Variants in MCC observed in about 807,000 individuals in gnomAD.
MCC encodes the protein MCC regulator of Wnt signaling pathway, also known as colorectal mutant cancer protein.
A neutral mutation model predicts 116.2 loss-of-function variants in MCC; 90 were observed. That is an observed-to-expected ratio of 0.77 (90% confidence interval 0.65 to 0.92). The LOEUF is 0.92. Among genes scored for constraint, MCC ranks in the 40% least tolerant of loss-of-function variants. MCC has a pLI of 0.00. For synonymous variants in MCC, 578 were observed against 510.5 expected (o/e 1.13, Z -1.78); for missense variants, 1,516 against 1,312.2 (o/e 1.16, Z -2.40).
At chr5:113,175,320 G>T (rs1761279148) in intron 3 of MCC, among the ~76,000 whole-genome samples, 1 of 152,308 alleles carries the variant, frequency 6.6e-6, no homozygotes, top group Non-Finnish European at 1.5e-5. Context: ...ATGACTTAAA[G>T]CTGGAAAGAG....
Position 113,208,332 on chromosome 5 carries a change from C to A in MCC, c.628-56910G>T, listed in dbSNP as rs576795156. Among the ~76,000 whole-genome samples the A allele has an allele frequency of 2.0e-5, 3 of 152,258 alleles. No individual in the cohort carries two copies. The South Asian group carries it at 6.2e-4, about 32-fold the overall frequency. ...AGAAGGAAGTTGGAACCTATCTGTT[C>A]CCCTGATGGACAAGACTGATTCCTT... On this transcript the variant is annotated intron_variant, in intron 3 of 18. Coordinates refer to ENST00000408903, the MANE Select transcript of MCC (RefSeq NM_001085377.2).
chr5:113,375,366 A>T (rs927623662), intron 2 of MCC, among the ~76,000 whole-genome samples: 7 of 152,114 alleles, frequency 4.6e-5, no homozygotes, highest in African/African-American at 1.7e-4. Flanking sequence ...AGTTCTATTT[A>T]TATGTTTTGT....
chr5:113,298,210 A>G lies in MCC; in HGVS notation c.627+42309T>C, dbSNP rs553111453. 2.0e-5 allele frequency among the ~76,000 whole-genome samples: 3 copies of G among 152,352 alleles called. No individual in the cohort carries two copies. In the South Asian group the frequency reaches 6.2e-4, roughly 32 times the overall value. On this transcript the variant is annotated intron_variant, in intron 3 of 18. Transcript: ENST00000408903. ...TTGTTTTTATGGAGGCCAAAGAATA[A>G]AAGAGGAAATGATACAGAAGGTCAA... is the stretch of plus-strand genomic sequence containing the variant.
chr5:113,327,305 G>A (rs568605773), intron 3 of MCC, among the ~76,000 whole-genome samples: 6 of 151,936 alleles, frequency 3.9e-5, no homozygotes, highest in Admixed American at 1.3e-4. Context: ...CCAGCACTTC[G>A]GGAGGCCGAG....
intron 1 of MCC, among the ~76,000 whole-genome samples, chr5:113,450,845 AT>A (rs1352890801): frequency 6.6e-6 from 1 of 152,160 alleles, no homozygotes; most frequent in Non-Finnish European, 1.5e-5. Flanking sequence ...ATTACAAAGC[AT>A]TTTTACCTTT....
chr5:113,363,494 G>A (rs899958144), intron 2 of MCC, among the ~76,000 whole-genome samples: 3 of 151,954 alleles, frequency 2.0e-5, no homozygotes, highest in African/African-American at 7.3e-5. Context: ...AGAGAGAAGG[G>A]GGAGGTTCTA....
intron 3 of MCC, among the ~76,000 whole-genome samples, chr5:113,225,898 C>T (rs929712358): frequency 3.9e-5 from 6 of 152,222 alleles, no homozygotes; most frequent in African/African-American, 9.6e-5. Context: ...TTGGGCCAGG[C>T]GTGGTGGCTC....
chr5:113,133,327 A>T (rs562436300), intron 5 of MCC, among the ~76,000 whole-genome samples: 1 of 152,166 alleles, frequency 6.6e-6, no homozygotes, highest in East Asian at 1.9e-4. Context: ...AACCACCAAA[A>T]TACTCTCTAT....
chr5:113,145,246 G>T (rs1465900950), intron 4 of MCC, among the ~76,000 whole-genome samples: 2 of 152,156 alleles, frequency 1.3e-5, no homozygotes, highest in African/African-American at 2.4e-5. Flanking sequence ...TACAGATGTA[G>T]TGGACACTCT....
intron 3 of MCC, among the ~76,000 whole-genome samples, chr5:113,161,046 A>C (rs1032667988): frequency 1.3e-5 from 2 of 152,244 alleles, no homozygotes; most frequent in African/African-American, 4.8e-5. Context: ...CAAATATTGT[A>C]AGACAATAGT....
intron 3 of MCC, among the ~76,000 whole-genome samples, chr5:113,166,740 A>C (rs1269338819): frequency 3.3e-5 from 5 of 151,978 alleles, no homozygotes; most frequent in Non-Finnish European, 7.4e-5. Flanking sequence ...AAAACCAAAA[A>C]AACAAAGCTT....
rs1758501184 is a variant in MCC at position 113,132,427 on chromosome 5, C to CACACATAT, written c.885-9602_885-9601insATATGTGT. On this transcript the variant is annotated intron_variant, in intron 5 of 18. Transcript: ENST00000408903. ...ACATACATATATATATACACACATA[C>CACACATAT]ATATATATATATATATACACACACA... is the stretch of plus-strand genomic sequence containing the variant. 1.8e-4 allele frequency among the ~76,000 whole-genome samples: 19 copies of CACACATAT among 107,312 alleles called. No individual in the cohort carries two copies. The East Asian group carries it at 1.9e-3, about 11-fold the overall frequency. The allele number at this position is 107,312 out of a possible 152,430, so 70.4% of individuals were successfully genotyped here.
intron 3 of MCC, among the ~76,000 whole-genome samples, chr5:113,300,266 C>T (rs1003527824): frequency 3.3e-5 from 5 of 152,158 alleles, no homozygotes; most frequent in African/African-American, 9.7e-5. Flanking sequence ...ACTGTCTCTA[C>T]CCCTGGGGTG....
Position 113,488,200 on chromosome 5 carries a change from G to A in MCC, c.170+45C>T, listed in dbSNP as rs1455140394. 8.3e-6 allele frequency: 13 copies of A among 1,570,030 alleles called. No individual in the cohort carries two copies. The South Asian group carries it at 9.1e-5, about 11-fold the overall frequency. On this transcript the variant is annotated intron_variant, in intron 1 of 18. Transcript: ENST00000408903. ...GAGCAGGGGTCAAGGGCGCGCGGAG[G>A]GACTGATCTCGCTCCTGTCGGTTTC...
At position 113,440,587 on chromosome 5, in the gene MCC, C is replaced by T. The variant is rs184801265; in HGVS notation, c.170+47658G>A. 7.0e-3 allele frequency among the ~76,000 whole-genome samples: 1,042 copies of T among 148,272 alleles called. 12 individuals are homozygous for T. Among genetic ancestry groups the T allele is most frequent in the African/African-American group, 0.024 (945 of 40,118 alleles). Reference sequence around the variant, plus strand: ...AAAAAATAAGAAAGTAAAGAAGAAACGGAAGGAGAAAGAGAGGGAGGGAAA... The same window carrying T: ...AAAAAATAAGAAAGTAAAGAAGAAATGGAAGGAGAAAGAGAGGGAGGGAAA... On this transcript the variant is annotated intron_variant, in intron 1 of 18. Coordinates refer to ENST00000408903, the MANE Select transcript of MCC (RefSeq NM_001085377.2).
At chr5:113,170,348 T>C (rs757450114) in intron 3 of MCC, among the ~76,000 whole-genome samples, 17 of 152,198 alleles carry the variant, frequency 1.1e-4, no homozygotes, top group South Asian at 2.1e-4. Flanking sequence ...CCTTGTAGAA[T>C]TGGGCAATAT....
At chr5:113,281,000 G>C (rs1561503722) in intron 3 of MCC, among the ~76,000 whole-genome samples, 1 of 152,202 alleles carries the variant, frequency 6.6e-6, no homozygotes, top group Non-Finnish European at 1.5e-5. Context: ...ATGCTGGTCA[G>C]CAAATGACCA....
intron 14 of MCC, among the ~76,000 whole-genome samples, chr5:113,059,721 C>A (rs913263902): frequency 2.5e-4 from 38 of 152,204 alleles, no homozygotes; most frequent in African/African-American, 8.9e-4. Context: ...TGCTGGAGCT[C>A]CCGTCACGCT....
chr5:113,297,410 G>C (rs13182478), intron 3 of MCC, among the ~76,000 whole-genome samples: 58,134 of 151,582 alleles, frequency 0.38, 14,312 homozygotes, highest in African/African-American at 0.69. Context: ...AATAAAAATA[G>C]AAAAAATTAG....
Sources: allele counts gnomAD v4.1 joint callset (sites outside exome capture counted in the v4.1 genomes callset), GRCh38; gene constraint gnomAD v4.1.1; transcripts MANE v1.5; gene names NCBI Gene and HGNC (gene_info 2026-07-23, HGNC 2026-07-21).